Variants in PCSK6 observed in about 807,000 individuals in gnomAD.
The protein encoded by PCSK6 is paired basic amino acid cleaving enzyme 4.
PCSK6 carries 85 observed loss-of-function variants against 123.3 expected under a neutral mutation model. The ratio of observed to expected loss-of-function variants is 0.69; its 90% confidence interval spans 0.58 to 0.83. The LOEUF is 0.83. Among genes scored for constraint, PCSK6 ranks in the 40% least tolerant of loss-of-function variants. The pLI, the probability that PCSK6 is intolerant of heterozygous loss-of-function variation, is 0.00. For missense variants in PCSK6, 1,191 were observed against 1,282.3 expected, an observed-to-expected ratio of 0.93 and a Z score of 1.09; for synonymous variants, 508 against 516.0, an observed-to-expected ratio of 0.98 and a Z score of 0.21.
chr15:101,390,304 G>A (rs1297366123), intron 8 of PCSK6, among the ~76,000 whole-genome samples: 1 of 152,274 alleles, frequency 6.6e-6, no homozygotes, highest in Non-Finnish European at 1.5e-5. Context: ...CGGGAAGTGG[G>A]TGCTGGGGGT....
At position 101,398,448 on chromosome 15, in the gene PCSK6, G is replaced by C. The variant is rs1567191108; in HGVS notation, c.952C>G (p.Pro318Ala). Reference protein sequence around the residue: ...PDDDGKTVDGPGRLAKQAFEY... With the variant: ...PDDDGKTVDGAGRLAKQAFEY... ...AAAGCCTGCTTAGCCAGTCGGCCGG[G>C]CCCGTCCACCGTCTTGCCGTCGTCG... The change falls in exon 7 of 22, where the codon CCC becomes GCC. Residue 318 changes from proline to alanine, a missense_variant. Transcript: ENST00000611716. This position sits in a 1 kb window ranked among gnomAD's most constrained non-coding sequence, Gnocchi z 4.6. The C allele has an allele frequency of 6.2e-7, 1 of 1,613,658 alleles. No individual in the cohort carries two copies. The highest frequency in any genetic ancestry group is 1.7e-5 in the Admixed American group (1 of 60,014).
chr15:101,307,263 C>T lies in PCSK6; in HGVS notation c.2762G>A (p.Gly921Asp). 1 of 1,613,852 alleles carries T rather than the reference C, an allele frequency of 6.2e-7. No individual in the cohort carries two copies. The highest frequency in any genetic ancestry group is 2.2e-5 in the East Asian group (1 of 44,882). Residue 921 changes from glycine to aspartate, a missense_variant, in exon 21 of 22, where the codon GGC (glycine) becomes GAC (aspartate). By Grantham distance (94) the Gly-to-Asp change is moderately conservative (BLOSUM62 -1). Transcript: ENST00000611716. Reference sequence around the variant, plus strand: ...GCAGGAGGTCCCCAGCTGTGTGAAGCCCGTCTTACACCTGCTACAGTTCCT... The same window carrying T: ...GCAGGAGGTCCCCAGCTGTGTGAAGTCCGTCTTACACCTGCTACAGTTCCT... Reference protein sequence around the residue: ...SSRNCSRCKTGFTQLGTSCIT... With the variant: ...SSRNCSRCKTDFTQLGTSCIT...
rs2058112021 is a variant in PCSK6, at chr15:101,489,435, A to G, written c.236T>C (p.Leu79Pro). ...VYTNHWAVQV[L>P]GGPAEADRVA... The stretch of plus-strand genomic sequence containing the variant: ...GCGGTCCGCCTCGGCCGGGCCGCCC[A>G]GCACTTGCACCGCCCAGTGGTTGGT... The change falls in exon 1 of 22, where the codon CTG (leucine) becomes CCG (proline). Residue 79 changes from leucine (L) to proline (P), a missense_variant. Leu to Pro is a moderately conservative substitution (Grantham distance 98). Around this residue, in one of 3 missense-constraint regions of PCSK6, gnomAD observed 204 missense variants for 166.4 expected, o/e 1.23. Coordinates refer to ENST00000611716, the MANE Select transcript of PCSK6 (RefSeq NM_002570.5). The G allele has an allele frequency of 2.4e-6, 3 of 1,269,940 alleles. No homozygotes were observed. The highest frequency in any genetic ancestry group is 3.0e-6 in the Non-Finnish European group (3 of 994,764). 78.7% of individuals were successfully genotyped at this position (1,269,940 alleles called of 1,614,324 possible). A position where few individuals can be genotyped will look rare whatever the true frequency, so the allele number is the denominator to read the frequency against.
intron 4 of PCSK6, among the ~76,000 whole-genome samples, 156 bp downstream of exon 4, chr15:101,431,164 T>C (rs2056433593): frequency 2.6e-5 from 4 of 152,240 alleles, no homozygotes; most frequent in African/African-American, 9.6e-5. Flanking sequence ...AGTAGCAGAA[T>C]ATTCATCTTC....
intron 11 of PCSK6, among the ~76,000 whole-genome samples, chr15:101,381,779 G>A (rs1368367744): frequency 1.3e-5 from 2 of 152,184 alleles, no homozygotes; most frequent in Non-Finnish European, 2.9e-5. Flanking sequence ...CCTGACTTGG[G>A]CTGACATGCT....
chr15:101,471,100 G>T (rs1427248848), intron 1 of PCSK6, among the ~76,000 whole-genome samples: 1 of 152,084 alleles, frequency 6.6e-6, no homozygotes, highest in African/African-American at 2.4e-5. Flanking sequence ...CTTCTCCCTG[G>T]GGCTGAAACT....
chr15:101,335,301 A>G (rs2040455449), intron 13 of PCSK6, among the ~76,000 whole-genome samples: 1 of 152,244 alleles, frequency 6.6e-6, no homozygotes, highest in Admixed American at 6.5e-5. Context: ...TTACCTGTTC[A>G]TATATAAACA....
intron 6 of PCSK6, among the ~76,000 whole-genome samples, chr15:101,415,495 T>C (rs370275654): frequency 1.5e-4 from 23 of 152,238 alleles, no homozygotes; most frequent in East Asian, 9.6e-4. Context: ...TTTTCAAAAA[T>C]ACACTTGTGT....
At chr15:101,384,061 T>G (rs113837039) in intron 10 of PCSK6, 2 of 940,634 alleles carry the variant, frequency 2.1e-6, no homozygotes, top group African/African-American at 3.6e-5. Context: ...TAAATATTGG[T>G]ATAGGTGGTG....
chr15:101,394,836 T>G (rs531553102), intron 7 of PCSK6, among the ~76,000 whole-genome samples: 2 of 152,344 alleles, frequency 1.3e-5, no homozygotes, highest in South Asian at 4.1e-4. Flanking sequence ...AGGAAAGTTC[T>G]TGGAGCTCAC....
chr15:101,484,534 G>A (rs1260499070), intron 1 of PCSK6, among the ~76,000 whole-genome samples: 2 of 152,056 alleles, frequency 1.3e-5, no homozygotes, highest in East Asian at 1.9e-4. Flanking sequence ...CATTACAGGC[G>A]TGCACCACCA....
intron 19 of PCSK6, among the ~76,000 whole-genome samples, chr15:101,315,790 C>T (rs980361549): frequency 4.6e-5 from 7 of 152,192 alleles, no homozygotes; most frequent in Non-Finnish European, 7.4e-5. Context: ...GTGGGTAAGT[C>T]GCGTCCCACG....
chr15:101,315,689 G>A (rs1019384120), intron 19 of PCSK6, among the ~76,000 whole-genome samples: 47 of 152,284 alleles, frequency 3.1e-4, no homozygotes, highest in African/African-American at 1.1e-3. Context: ...CTTGAGGGCT[G>A]ACCGTCACAG....
chr15:101,308,251 C>T (rs1316223152), intron 20 of PCSK6: 1 of 152,374 alleles, frequency 6.6e-6, no homozygotes, highest in African/African-American at 2.4e-5. Flanking sequence ...CAGCTGCCCA[C>T]CTCCCCATTG....
Position 101,459,609 on chromosome 15 carries a change from T to C in PCSK6, c.298-15949A>G, listed in dbSNP as rs1407761873. On this transcript the variant is annotated intron_variant, in intron 1 of 21. Coordinates refer to ENST00000611716, the MANE Select transcript of PCSK6 (RefSeq NM_002570.5). ...TTGGGCTCCCCCTCCTCCATCACCA[T>C]TGTGCCACGCCTCCCAGGTAACTGA... Among the ~76,000 whole-genome samples, 4 of 129,528 alleles carry C rather than the reference T, an allele frequency of 3.1e-5. No individual in the cohort carries two copies. The East Asian group carries it at 7.5e-4, about 24-fold the overall frequency. The allele number at this position is 129,528 out of a possible 152,430, so 85.0% of individuals were successfully genotyped here. A position where few individuals can be genotyped will look rare whatever the true frequency, so the allele number is the denominator to read the frequency against.
Position 101,382,260 on chromosome 15 carries a change from G to A in PCSK6, c.1415-51C>T, listed in dbSNP as rs937077618. ...AGGCTCTCCTGCCTCTCCCAGGAAG[G>A]GAGCAAGGCTGGCTCTTGCATCTGC... is the stretch of plus-strand genomic sequence containing the variant. On this transcript the variant is annotated intron_variant, in intron 10 of 21. Coordinates refer to ENST00000611716, the MANE Select transcript of PCSK6 (RefSeq NM_002570.5). The A allele has an allele frequency of 3.6e-6, 5 of 1,402,506 alleles. No homozygotes were observed. In the African/African-American group the frequency reaches 4.2e-5, roughly 12 times the overall value. 86.9% of individuals were successfully genotyped at this position (1,402,506 alleles called of 1,614,324 possible).
chr15:101,373,934 A>G (rs1209909791), intron 11 of PCSK6, among the ~76,000 whole-genome samples: 2 of 152,244 alleles, frequency 1.3e-5, no homozygotes. Flanking sequence ...AAGTAACTGA[A>G]AAGTGTCTTC....
chr15:101,354,973 A>G (rs1385444118), intron 13 of PCSK6, among the ~76,000 whole-genome samples: 2 of 152,272 alleles, frequency 1.3e-5, no homozygotes, highest in Admixed American at 6.5e-5. Context: ...GAGATAAAAT[A>G]GCACCCAGTG....
chr15:101,319,732 C>T (rs191241356), intron 18 of PCSK6, among the ~76,000 whole-genome samples: 222 of 152,290 alleles, frequency 1.5e-3, no homozygotes, highest in Non-Finnish European at 2.5e-3. Flanking sequence ...GGGTGGTGAA[C>T]AAGAACACAA....
Sources: allele counts gnomAD v4.1 joint callset (sites outside exome capture counted in the v4.1 genomes callset), GRCh38; gene constraint gnomAD v4.1.1; regional missense constraint gnomAD v4.1.1; non-coding constraint Gnocchi (gnomAD v3.1); transcripts MANE v1.5; gene names NCBI Gene and HGNC (gene_info 2026-07-23, HGNC 2026-07-21).